The following KCNIP2 variants were observed in gnomAD, a reference collection of about 807,000 sequenced individuals.
KCNIP2 encodes A-type potassium channel modulatory protein KCNIP2.
KCNIP2 carries 19 observed loss-of-function variants against 39.0 expected under a neutral mutation model. The ratio of observed to expected loss-of-function variants is 0.49; its 90% CI spans 0.34 to 0.71. KCNIP2 has a LOEUF of 0.71. KCNIP2 is among the 30% of genes least tolerant of loss of function. KCNIP2 has a pLI of 0.01. For synonymous variants in KCNIP2, 111 were observed against 131.2 expected (o/e 0.85, Z 1.05); for missense variants, 261 against 346.0 (o/e 0.75, Z 1.95).
At position 101,828,290 on chromosome 10, in the gene KCNIP2, C is replaced by T. The variant is rs765624680; in HGVS notation, c.490-32G>A. On this transcript the variant is annotated intron_variant, in intron 6 of 9. Transcript: ENST00000356640. This position sits in a 1 kb window ranked among gnomAD's most constrained non-coding sequence, Gnocchi z 6.6. ...AGGAGGCAGGAGGGAGCTGTGTCCT[C>T]GGGTACTCTTCACCCAACTCCTTCT... The T allele has an allele frequency of 5.6e-6, 9 of 1,609,716 alleles. No homozygotes were observed. The highest frequency in any genetic ancestry group is 2.7e-5 in the African/African-American group (2 of 74,822).
intron 1 of KCNIP2, among the ~76,000 whole-genome samples, chr10:101,840,683 T>C (rs1162165030): frequency 1.3e-5 from 2 of 151,926 alleles, no homozygotes; most frequent in Admixed American, 1.3e-4. Flanking sequence ...ACGGGAGAGA[T>C]ATAGTCCCGC....
intron 2 of KCNIP2, chr10:101,830,567 C>T: frequency 6.8e-6 from 5 of 731,156 alleles, no homozygotes; most frequent in South Asian, 1.8e-5. Flanking sequence ...GACACACACC[C>T]GCTCCCAACT....
In KCNIP2 at chr10:101,827,971, G is replaced by A; in HGVS notation, c.620C>T (p.Ser207Phe). The part of the protein sequence containing the change: ...TKEEMLDIMK[S>F]IYDMMGKYTY... ...GTACTTGCCCATCATGTCATAGATG[G>A]ACTTCATGATGTCAAGCATTTCCTG... The change falls in exon 8 of 10, where the codon TCC becomes TTC. Residue 207 changes from serine to phenylalanine, a missense_variant. Coordinates refer to ENST00000356640, the MANE Select transcript of KCNIP2 (RefSeq NM_173191.3). The A allele has an allele frequency of 6.2e-7, 1 of 1,613,488 alleles. No homozygotes were observed.
intron 1 of KCNIP2, chr10:101,839,780 G>A (rs777843076): frequency 6.8e-6 from 11 of 1,612,450 alleles, no homozygotes; most frequent in Non-Finnish European, 9.3e-6. Flanking sequence ...GTCACCAGCT[G>A]GTAGAGGGAT....
intron 1 of KCNIP2, among the ~76,000 whole-genome samples, chr10:101,834,073 CCTT>C (rs1218162941): frequency 1.3e-5 from 2 of 152,068 alleles, no homozygotes; most frequent in Admixed American, 6.5e-5. Flanking sequence ...CATATCTACT[CCTT>C]GAGGCCTCCT....
At chr10:101,842,547 C>G (rs1307790678) in intron 1 of KCNIP2, among the ~76,000 whole-genome samples, 1 of 152,200 alleles carries the variant, frequency 6.6e-6, no homozygotes, top group Non-Finnish European at 1.5e-5. Flanking sequence ...AGAATAATCT[C>G]AGTACATGAT....
chr10:101,831,226 GT>G, intron 1 of KCNIP2, 59 bp from the exon 2 acceptor site: 1 of 1,273,970 alleles, frequency 7.8e-7, no homozygotes, highest in Non-Finnish European at 1.1e-6. Context: ...TCTGTTCCCT[GT>G]CCCCTCCCCG....
In KCNIP2 at chr10:101,829,088, C is replaced by A; in HGVS notation, c.335G>T (p.Arg112Leu). Residue 112 changes from arginine (R) to leucine (L), a missense_variant, in exon 4 of 10, where the codon CGG becomes CTG. By Grantham distance (102) the Arg-to-Leu change is moderately radical. Transcript: ENST00000356640. Reference sequence around the variant, plus strand: ...CCTTGCACTCACGTTCTTGAAGCCCCGGTACAGGACCTGCAACTCCTTGCG... The same window carrying A: ...CCTTGCACTCACGTTCTTGAAGCCCAGGTACAGGACCTGCAACTCCTTGCG... ...FTRKELQVLY[R>L]GFKNECPSGI... The A allele has an allele frequency of 1.9e-6, 3 of 1,613,982 alleles. No homozygotes were observed. Among genetic ancestry groups the A allele is most frequent in the Non-Finnish European group, 2.5e-6 (3 of 1,179,914 alleles).
chr10:101,835,384 C>G (rs1456372817), intron 1 of KCNIP2, among the ~76,000 whole-genome samples: 2 of 152,094 alleles, frequency 1.3e-5, no homozygotes, highest in Admixed American at 6.5e-5. Context: ...CCACTTAACC[C>G]CATCAGGACC....
intron 1 of KCNIP2, among the ~76,000 whole-genome samples, chr10:101,836,763 C>G (rs1004157412): frequency 6.6e-6 from 1 of 152,114 alleles, no homozygotes; most frequent in Non-Finnish European, 1.5e-5. Context: ...GAGTTTGAGA[C>G]CAGCCTGGCC....
intron 3 of KCNIP2, 85 bp from the exon 4 acceptor site, chr10:101,829,284 GC>G: frequency 3.5e-6 from 5 of 1,434,460 alleles, no homozygotes; most frequent in Admixed American, 2.3e-5. Context: ...CCCCCTCCCC[GC>G]CCCCCGGTCC....
Position 101,836,428 on chromosome 10 carries a change from GT to G in KCNIP2, c.74-5262del, listed in dbSNP as rs1265705621. Among the ~76,000 whole-genome samples, 4 of 151,934 alleles carry G rather than the reference GT, an allele frequency of 2.6e-5. No homozygotes were observed. In the East Asian group the frequency reaches 5.8e-4, roughly 22 times the overall value. On this transcript the variant is annotated intron_variant, in intron 1 of 9. Coordinates refer to ENST00000356640, the MANE Select transcript of KCNIP2 (RefSeq NM_173191.3). ...GCTGATTTTTATATTTTTAAATAGGGTTTTGTCATGCTGGCCAGGCTGGTCT... is the reference window on the plus strand; with the variant it reads ...GCTGATTTTTATATTTTTAAATAGGGTTTGTCATGCTGGCCAGGCTGGTCT...
rs1190401219 is a variant in KCNIP2, at chr10:101,838,371, G to A, written c.73+5125C>T. 6.6e-6 allele frequency among the ~76,000 whole-genome samples: 1 copy of A among 152,044 alleles called. No individual in the cohort carries two copies. The highest frequency in any genetic ancestry group is 1.5e-5 in the Non-Finnish European group (1 of 68,012). On this transcript the variant is annotated intron_variant, in intron 1 of 9. Transcript: ENST00000356640. This position sits in a 1 kb window ranked among gnomAD's most constrained non-coding sequence, Gnocchi z 4.0. The stretch of plus-strand genomic sequence containing the variant: ...ATGTGAGTAACACTGCCTTGTGGGG[G>A]AACCCACTCTATGCAACTGTCCCAC...
At position 101,829,824 on chromosome 10, in the gene KCNIP2, C is replaced by G. The variant is rs994849339; in HGVS notation, c.223+20G>C. The stretch of plus-strand genomic sequence containing the variant: ...AAAGCCGCCCTGCCCCGCCCCGCCC[C>G]CACCAGGAGCGTAAGTCACCTGGGT... On this transcript the variant is annotated intron_variant, in intron 3 of 9. Transcript: ENST00000356640. 1.1e-5 allele frequency: 16 copies of G among 1,432,988 alleles called. No homozygotes were observed. The highest frequency in any genetic ancestry group is 1.5e-5 in the Non-Finnish European group (16 of 1,100,152). The allele number at this position is 1,432,988 out of a possible 1,614,324, so 88.8% of individuals were successfully genotyped here.
intron 1 of KCNIP2, among the ~76,000 whole-genome samples, chr10:101,836,274 C>CTTTTTTTTTTT (rs976487755): frequency 8.0e-6 from 1 of 124,660 alleles, no homozygotes; most frequent in Non-Finnish European, 1.7e-5. Context: ...TTTTTTTTCT[C>CTTTTTTTTTTT]TTTTTTTTTT....
rs190999562 is a variant in KCNIP2 at position 101,832,202 on chromosome 10, G to A, written c.74-1035C>T. On this transcript the variant is annotated intron_variant, in intron 1 of 9. Coordinates refer to ENST00000356640, the MANE Select transcript of KCNIP2 (RefSeq NM_173191.3). ...TCTGGTGTATTGTGGGGCTATCCAT[G>A]GCCCACTGATCATGGCTCCCCTTCC... 2.0e-4 allele frequency among the ~76,000 whole-genome samples: 30 copies of A among 152,162 alleles called. No individual in the cohort carries two copies. The East Asian group carries it at 5.0e-3, about 26-fold the overall frequency.
chr10:101,836,090 A>C (rs901695242), intron 1 of KCNIP2, among the ~76,000 whole-genome samples: 7 of 151,982 alleles, frequency 4.6e-5, no homozygotes, highest in Non-Finnish European at 1.0e-4. Flanking sequence ...GTCTCAGCCC[A>C]ATTTGTGGGG....
At position 101,827,242 on chromosome 10, in the gene KCNIP2, C is replaced by CTCCCTTGAT; in HGVS notation, c.*110_*111insATCAAGGGA. On this transcript the variant is annotated 3_prime_UTR_variant, in exon 10 of 10. Coordinates refer to ENST00000356640, the MANE Select transcript of KCNIP2 (RefSeq NM_173191.3). ...CCCCAAGCTCTTGGATCCCTCCAGC[C>CTCCCTTGAT]CCCAGGGAGGCGTAGGATGAGGATA... 1 of 1,422,060 alleles carries CTCCCTTGAT rather than the reference C, an allele frequency of 7.0e-7. No individual in the cohort carries two copies. The highest frequency in any genetic ancestry group is 2.4e-5 in the Admixed American group (1 of 42,310). The allele number at this position is 1,422,060 out of a possible 1,614,324, so 88.1% of individuals were successfully genotyped here.
intron 8 of KCNIP2, 44 bp downstream of exon 8, chr10:101,827,845 T>C (rs373476932): frequency 1.5e-5 from 23 of 1,562,676 alleles, no homozygotes; most frequent in South Asian, 3.3e-5. Context: ...CTTGGCCTTC[T>C]TCCCTTCACT....
Sources: gnomAD v4.1 joint callset for allele counts (sites outside exome capture counted in the v4.1 genomes callset) on GRCh38, gnomAD v4.1.1 for gene constraint, Gnocchi (gnomAD v3.1) non-coding constraint, MANE v1.5 for transcripts, NCBI Gene and HGNC (gene_info 2026-07-23, HGNC 2026-07-21) for gene names.